The following FAM135B variants were observed in gnomAD, a reference collection of about 807,000 sequenced individuals.
The protein encoded by FAM135B is family with sequence similarity 135 member B, also known as protein FAM135B.
FAM135B carries 43 observed loss-of-function variants against 127.7 expected under a neutral mutation model. The observed-to-expected ratio is 0.34, with a 90% CI of 0.26 to 0.43. FAM135B has a LOEUF of 0.43. FAM135B is among the 20% of genes least tolerant of loss of function. The pLI, the probability that FAM135B is intolerant of heterozygous loss-of-function variation, is 1.00. For missense variants in FAM135B, 1,558 were observed against 1,725.6 expected, an observed-to-expected ratio of 0.90 and a Z score of 1.72; for synonymous variants, 670 against 665.1, an observed-to-expected ratio of 1.01 and a Z score of -0.11.
At chr8:138,416,153 A>G (rs1834134860) in intron 1 of FAM135B, among the ~76,000 whole-genome samples, 1 of 152,184 alleles carries the variant, frequency 6.6e-6, no homozygotes, top group African/African-American at 2.4e-5. Flanking sequence ...TTGATCCCCC[A>G]GGACAAAATA....
chr8:138,175,902 A>C (rs958028211), intron 11 of FAM135B, among the ~76,000 whole-genome samples: 3 of 152,186 alleles, frequency 2.0e-5, no homozygotes, highest in African/African-American at 7.2e-5. Flanking sequence ...ACATTCGCTT[A>C]CTTCATCAGT....
rs368552977 is a variant in FAM135B at position 138,178,556 on chromosome 8, G to A, written c.1008C>T (p.Thr336=). The A allele has an allele frequency of 6.8e-6, 11 of 1,613,818 alleles. No individual in the cohort carries two copies. The African/African-American group carries it at 1.5e-4, about 22-fold the overall frequency. The part of the protein sequence containing the change: ...TLHSQVTTYL[T]QEHHTLRVRR... Reference sequence around the variant, plus strand: ...TCACCCTCAGGGTGTGGTGTTCCTGGGTGAGATAAGTGGTCACTTGGGAGT... The same window carrying A: ...TCACCCTCAGGGTGTGGTGTTCCTGAGTGAGATAAGTGGTCACTTGGGAGT... Residue 336 remains threonine (T), a synonymous_variant, in exon 10 of 20, where the codon ACC becomes ACT. Transcript: ENST00000395297.
chr8:138,349,502 G>A (rs1829640018), intron 2 of FAM135B, among the ~76,000 whole-genome samples: 1 of 152,148 alleles, frequency 6.6e-6, no homozygotes, highest in Non-Finnish European at 1.5e-5. Context: ...ACAATCCCTA[G>A]GATATAGCAG....
intron 2 of FAM135B, among the ~76,000 whole-genome samples, chr8:138,324,939 C>T (rs939415451): frequency 6.6e-6 from 1 of 152,158 alleles, no homozygotes; most frequent in African/African-American, 2.4e-5. Flanking sequence ...GCATTAAGTA[C>T]TGTTCAATCA....
At chr8:138,458,640 T>C (rs937950253) in intron 1 of FAM135B, among the ~76,000 whole-genome samples, 1 of 152,232 alleles carries the variant, frequency 6.6e-6, no homozygotes, top group African/African-American at 2.4e-5. Flanking sequence ...TAAAGCTTTA[T>C]TGGAACACAG....
chr8:138,455,176 A>T (rs1236024151), intron 1 of FAM135B, among the ~76,000 whole-genome samples: 1 of 152,218 alleles, frequency 6.6e-6, no homozygotes, highest in Non-Finnish European at 1.5e-5. Context: ...TGTTGCTGGC[A>T]CATAGGACCT....
chr8:138,344,206 G>A (rs573693405), intron 2 of FAM135B, among the ~76,000 whole-genome samples: 19 of 152,242 alleles, frequency 1.2e-4, no homozygotes, highest in Non-Finnish European at 2.4e-4. Flanking sequence ...CAAAAGATAA[G>A]AAGTGTCAAG....
chr8:138,447,654 T>TG (rs1836259342), intron 1 of FAM135B, among the ~76,000 whole-genome samples: 1 of 87,870 alleles, frequency 1.1e-5, no homozygotes, highest in African/African-American at 5.0e-5. Flanking sequence ...GGGCCTGTTG[T>TG]GGGGTGGGGA....
At chr8:138,381,444 C>T (rs1831851472) in intron 1 of FAM135B, among the ~76,000 whole-genome samples, 1 of 152,158 alleles carries the variant, frequency 6.6e-6, no homozygotes, top group African/African-American at 2.4e-5. Context: ...AGCCCCCAAC[C>T]TTGCCTTGTG....
At chr8:138,233,188 C>A (rs1820028035) in intron 7 of FAM135B, among the ~76,000 whole-genome samples, 1 of 152,108 alleles carries the variant, frequency 6.6e-6, no homozygotes, top group Non-Finnish European at 1.5e-5. Context: ...TATTGCAGAG[C>A]TACAGTAATT....
chr8:138,167,199 T>C (rs879553554), intron 12 of FAM135B, among the ~76,000 whole-genome samples: 1 of 152,094 alleles, frequency 6.6e-6, no homozygotes, highest in Non-Finnish European at 1.5e-5. Flanking sequence ...GTTATTATTA[T>C]TTTTTTATTT....
intron 2 of FAM135B, among the ~76,000 whole-genome samples, chr8:138,362,681 T>C (rs1830504716): frequency 6.6e-6 from 1 of 152,164 alleles, no homozygotes; most frequent in African/African-American, 2.4e-5. Context: ...AATGTATAAA[T>C]GGTATGACAC....
At position 138,151,783 on chromosome 8, in the gene FAM135B, T is replaced by C. The variant is rs866898472; in HGVS notation, c.2692A>G (p.Arg898Gly). 1.9e-6 allele frequency: 3 copies of C among 1,614,168 alleles called. No homozygotes were observed. The highest frequency in any genetic ancestry group is 3.3e-4 in the Middle Eastern group (2 of 6,062). ...CCCTTTGGGGTTTCCTCAAGTGCTC[T>C]ATGAAGAGATCTGGTCCTGGGGTTT... ...LENPRTRSLHRALEETPKGMP... is the reference protein window; with the variant it reads ...LENPRTRSLHGALEETPKGMP... The change falls in exon 13 of 20, where the codon AGA becomes GGA. Residue 898 changes from arginine (R) to glycine (G), a missense_variant. By Grantham distance (125) the Arg-to-Gly change is moderately radical. This residue lies in a region of FAM135B where 923 missense variants were observed against 865.3 expected (regional missense o/e 1.07). Transcript: ENST00000395297.
intron 3 of FAM135B, among the ~76,000 whole-genome samples, chr8:138,276,934 C>T (rs1042548684): frequency 6.6e-6 from 1 of 152,186 alleles, no homozygotes; most frequent in African/African-American, 2.4e-5. Flanking sequence ...AGGTAACTGG[C>T]CACTGTAGTC....
intron 3 of FAM135B, among the ~76,000 whole-genome samples, chr8:138,291,404 A>G (rs1825100360): frequency 6.6e-6 from 1 of 152,186 alleles, no homozygotes; most frequent in South Asian, 2.1e-4. Flanking sequence ...AACTCTTCCA[A>G]AAAAATAGGA....
intron 7 of FAM135B, among the ~76,000 whole-genome samples, chr8:138,228,089 T>C (rs1017327268): frequency 6.6e-6 from 1 of 152,168 alleles, no homozygotes; most frequent in East Asian, 1.9e-4. Context: ...TTGGGCACTT[T>C]ATGTGTGCAT....
chr8:138,434,808 G>A (rs999305607), intron 1 of FAM135B, among the ~76,000 whole-genome samples: 2 of 152,166 alleles, frequency 1.3e-5, no homozygotes, highest in Non-Finnish European at 1.5e-5. Context: ...TGAAGCACAC[G>A]GTTCAAGTAG....
intron 5 of FAM135B, 76 bp from the exon 6 acceptor site, chr8:138,251,090 G>A (rs2130492294): frequency 7.8e-6 from 12 of 1,532,238 alleles, no homozygotes; most frequent in Non-Finnish European, 9.8e-6. Context: ...TCTGTATTAA[G>A]CCTCTCCATG....
At chr8:138,344,577 C>CTTTTTTTTTTTTTTTTT (rs869039075) in intron 2 of FAM135B, among the ~76,000 whole-genome samples, 19 of 83,940 alleles carry the variant, frequency 2.3e-4, no homozygotes, top group East Asian at 5.5e-4. Flanking sequence ...TTCTTTCTTT[C>CTTTTTTTTTTTTTTTTT]TTTTTTTTTT....
Sources: allele counts gnomAD v4.1 joint callset (sites outside exome capture counted in the v4.1 genomes callset), GRCh38; gene constraint gnomAD v4.1.1; regional missense constraint gnomAD v4.1.1; transcripts MANE v1.5; gene names NCBI Gene and HGNC (gene_info 2026-07-23, HGNC 2026-07-21).